Variants in WDR18 observed in about 807,000 individuals in gnomAD.
WDR18 encodes WD repeat domain 18, also known as WD repeat-containing protein 18.
WDR18 carries 33 observed loss-of-function variants against 49.6 expected under a neutral mutation model. The observed-to-expected ratio is 0.67, with a 90% CI of 0.50 to 0.89. The LOEUF (loss-of-function observed/expected upper bound fraction) is 0.89. Among genes scored for constraint, WDR18 ranks in the 40% least tolerant of loss-of-function variants. WDR18 has a pLI of 0.00. For synonymous variants in WDR18, 315 were observed against 263.6 expected, an observed-to-expected ratio of 1.19 and a Z score of -1.89; for missense variants, 653 against 593.6, an observed-to-expected ratio of 1.10 and a Z score of -1.04.
Position 985,886 on chromosome 19 carries a change from A to G in WDR18, c.232A>G (p.Met78Val), listed in dbSNP as rs1043846698. The change falls in exon 2 of 10, where the codon ATG (methionine) becomes GTG (valine). Residue 78 changes from methionine (M) to valine (V), a missense_variant. Met to Val is a conservative substitution (Grantham distance 21). Coordinates refer to ENST00000585809, the MANE Select transcript of WDR18 (RefSeq NM_024100.4). ...TTAGGACCAGCTCCAGCAGAAGATC[A>G]TGTGCCCCGGGCCTGTCACCTGTCT... ...QRKDQLQQKI[M>V]CPGPVTCLTA... 4.3e-6 allele frequency: 7 copies of G among 1,613,826 alleles called. No homozygotes were observed. The highest frequency in any genetic ancestry group is 5.9e-6 in the Non-Finnish European group (7 of 1,179,932).
At chr19:986,743 TG>T (rs1166007341) in intron 2 of WDR18, among the ~76,000 whole-genome samples, 5 of 152,154 alleles carry the variant, frequency 3.3e-5, no homozygotes, top group African/African-American at 1.2e-4. Context: ...GGATGATGTG[TG>T]AGTGAGTGGG....
Position 990,452 on chromosome 19 carries a change from G to A in WDR18, c.597+88G>A, listed in dbSNP as rs1378234978. The A allele has an allele frequency of 2.0e-5, 28 of 1,418,382 alleles. No homozygotes were observed. In the Middle Eastern group the frequency reaches 5.6e-4, roughly 28 times the overall value. The allele number at this position is 1,418,382 out of a possible 1,614,324, so 87.9% of individuals were successfully genotyped here. On this transcript the variant is annotated intron_variant, in intron 4 of 9. Transcript: ENST00000585809. ...AGGAATGCAGGAATCGCCTCCTCCC[G>A]CTCCCTGCTGTCAGGACTCCAGACG...
chr19:986,329 C>G (rs1417627294), intron 2 of WDR18, among the ~76,000 whole-genome samples: 2 of 152,140 alleles, frequency 1.3e-5, no homozygotes, highest in Non-Finnish European at 2.9e-5. Flanking sequence ...GGCGCAGTGG[C>G]TCATGCCGGT....
intron 8 of WDR18, 111 bp downstream of exon 8, chr19:992,232 G>A: frequency 7.7e-7 from 1 of 1,307,048 alleles, no homozygotes; most frequent in Middle Eastern, 2.8e-4. Context: ...TTCCCCACAA[G>A]CCCGGCACTG....
Position 984,456 on chromosome 19 carries a change from C to T in WDR18, c.103C>T (p.Arg35Cys), listed in dbSNP as rs773182059. The change falls in exon 1 of 10, where the codon CGC becomes TGC. Residue 35 changes from arginine to cysteine, a missense_variant. Transcript: ENST00000585809. ...CTCGGGCGCCAACCTGCTCACCTAC[C>T]GCGGCGGCCAGGCGGGACCCCGCGG... ...LHSGANLLTY[R>C]GGQAGPRGLA... The T allele has an allele frequency of 1.3e-6, 2 of 1,593,536 alleles. No homozygotes were observed. Among genetic ancestry groups the T allele is most frequent in the Non-Finnish European group, 1.7e-6 (2 of 1,171,810 alleles).
At chr19:983,682 G>A (rs2038442192), upstream of WDR18, among the ~76,000 whole-genome samples, 2 of 151,790 alleles carry the variant, frequency 1.3e-5, no homozygotes, top group Admixed American at 6.6e-5. Flanking sequence ...CAAGCTATCC[G>A]ACTAATAATT....
At chr19:986,139 C>T (rs2038472247) in intron 2 of WDR18, among the ~76,000 whole-genome samples, 164 bp downstream of exon 2, 1 of 152,174 alleles carries the variant, frequency 6.6e-6, no homozygotes, top group Non-Finnish European at 1.5e-5. Context: ...TCTCCAGGTC[C>T]CCTCGAGACT....
chr19:994,126 G>A (rs1173542543), intron 9 of WDR18, 38 bp downstream of exon 9: 1 of 1,549,150 alleles, frequency 6.5e-7, no homozygotes, highest in Non-Finnish European at 8.7e-7. Context: ...CCTGAGGCTG[G>A]GGTCAGTCCT....
Position 994,404 on chromosome 19 carries a change from G to A in WDR18, c.*60G>A, listed in dbSNP as rs1317898935. ...GAGCCCCATGCCTCCCAGCAACCAG[G>A]GCCCGCGGGTGTGGCCCCCACCAGC... On this transcript the variant is annotated 3_prime_UTR_variant, in exon 10 of 10. Transcript: ENST00000585809. 1.3e-6 allele frequency: 2 copies of A among 1,547,348 alleles called. No homozygotes were observed. Among genetic ancestry groups the A allele is most frequent in the Non-Finnish European group, 8.7e-7 (1 of 1,149,348 alleles).
rs77532342 is a variant in WDR18, at chr19:989,576, G to A, written c.322-186G>A. ...GTGCCCACCCAGCCCAGGCAGGGGC[G>A]CGACGAGGCCCCGCTGTACCTGCTG... On this transcript the variant is annotated intron_variant, in intron 2 of 9. Coordinates refer to ENST00000585809, the MANE Select transcript of WDR18 (RefSeq NM_024100.4). 4.6e-3 allele frequency among the ~76,000 whole-genome samples: 697 copies of A among 152,252 alleles called. 37 individuals carry two copies. The East Asian group carries it at 0.11, about 24-fold the overall frequency.
At chr19:990,761 C>A in intron 4 of WDR18, 91 bp from the exon 5 acceptor site, 4 of 1,494,120 alleles carry the variant, frequency 2.7e-6, no homozygotes, top group Non-Finnish European at 2.7e-6. Flanking sequence ...CAGAGGACAG[C>A]CGACGCCTGA....
chr19:991,732 ACGGGGCGGGGCCTGGCTGGGG>A (rs1568385610), intron 7 of WDR18, among the ~76,000 whole-genome samples: 1 of 2,640 alleles, frequency 3.8e-4, no homozygotes, highest in Non-Finnish European at 7.2e-4. Flanking sequence ...CCTGGCTGGG[ACGGGGCGGGGCCTGGCTGGGG>A]GCGTGAACTG....
chr19:989,662 G>T, intron 2 of WDR18, 100 bp from the exon 3 acceptor site: 1 of 1,517,122 alleles, frequency 6.6e-7, no homozygotes, highest in Non-Finnish European at 8.9e-7. Flanking sequence ...GGGCGACAGT[G>T]TGGCCATGGC....
At chr19:989,514 C>T (rs2038516632) in intron 2 of WDR18, among the ~76,000 whole-genome samples, 1 of 152,164 alleles carries the variant, frequency 6.6e-6, no homozygotes. Context: ...TTGCCCCTTC[C>T]TGGGCCATCA....
upstream of WDR18, chr19:984,126 G>C (rs548635296): frequency 2.0e-6 from 1 of 491,122 alleles, no homozygotes; most frequent in Non-Finnish European, 3.5e-6. Context: ...GGAGACCCTG[G>C]GCCTTGGAAG....
chr19:989,988 C>T (rs2038522556), intron 3 of WDR18, 93 bp downstream of exon 3: 3 of 1,509,286 alleles, frequency 2.0e-6, no homozygotes, highest in African/African-American at 2.8e-5. Context: ...GAAGGGGCTT[C>T]TCTCTTGGGG....
chr19:991,869 G>A, intron 7 of WDR18, 86 bp from the exon 8 acceptor site: 2 of 1,344,576 alleles, frequency 1.5e-6, no homozygotes, highest in Non-Finnish European at 1.9e-6. Flanking sequence ...TGGGGGCGGG[G>A]ACTGCCCTGG....
upstream of WDR18, among the ~76,000 whole-genome samples, chr19:983,530 G>C (rs2038439612): frequency 1.3e-5 from 2 of 150,054 alleles, no homozygotes; most frequent in Admixed American, 1.3e-4. Context: ...CCAAAGTGCT[G>C]GGATTACAGG....
rs369419574 is a variant in WDR18, at chr19:989,926, G to A, written c.455+31G>A. ...GCCTTGCGCACTCAGGCCTGCACCT[G>A]GAACTGCACCCGGGCTCAGGCGGGG... On this transcript the variant is annotated intron_variant, in intron 3 of 9. Transcript: ENST00000585809. 169 of 1,566,950 alleles carry A rather than the reference G, an allele frequency of 1.1e-4. No individual in the cohort carries two copies. The Admixed American group carries it at 1.2e-3, about 11-fold the overall frequency.
Sources: gnomAD v4.1 joint callset for allele counts (sites outside exome capture counted in the v4.1 genomes callset) on GRCh38, gnomAD v4.1.1 for gene constraint, MANE v1.5 for transcripts, NCBI Gene and HGNC (gene_info 2026-07-23, HGNC 2026-07-21) for gene names.